SP100: variants seen among roughly 807,000 people sequenced by gnomAD.
SP100 encodes SP100 nuclear body protein, also known as nuclear autoantigen Sp-100.
SP100 carries 84 observed loss-of-function variants against 130.0 expected under a neutral mutation model. That is an observed-to-expected ratio of 0.65 (90% CI 0.54 to 0.77). The LOEUF (loss-of-function observed/expected upper bound fraction) is 0.77. Ranked by LOEUF, SP100 falls within the 30% of genes least tolerant of loss-of-function variation. The probability of loss-of-function intolerance (pLI) is 0.00; values close to 1 mark genes in which losing one functional copy is unlikely to be tolerated. For synonymous variants in SP100, 331 were observed against 351.7 expected, an observed-to-expected ratio of 0.94 and a Z score of 0.66; for missense variants, 978 against 1,052.2, an observed-to-expected ratio of 0.93 and a Z score of 0.97.
rs1692265749 is a variant in SP100 at position 230,544,674 on chromosome 2, T to C, written c.*1728T>C. On this transcript the variant is annotated 3_prime_UTR_variant, in exon 29 of 29. Transcript: ENST00000340126. ...ATTTTGTATTTTAGTAGAGACGGGGTTTCTCCACATTGGTCAGGCTGGTCT... is the reference window on the plus strand; with the variant it reads ...ATTTTGTATTTTAGTAGAGACGGGGCTTCTCCACATTGGTCAGGCTGGTCT... Among the ~76,000 whole-genome samples the C allele has an allele frequency of 6.6e-6, 1 of 151,802 alleles. No homozygotes were observed. The highest frequency in any genetic ancestry group is 2.1e-4 in the South Asian group (1 of 4,790).
At chr2:230,538,336 T>C (rs1692029014) in intron 24 of SP100, 2 of 152,204 alleles carry the variant, frequency 1.3e-5, no homozygotes, top group African/African-American at 4.8e-5. Flanking sequence ...CAGTGTACTT[T>C]ATAGGATGAT....
chr2:230,449,435 T>C, intron 6 of SP100, 126 bp from the exon 7 acceptor site: 1 of 1,075,632 alleles, frequency 9.3e-7, no homozygotes, highest in South Asian at 1.3e-5. Context: ...CTGCATCTGC[T>C]TGAATCTGGC....
chr2:230,446,053 C>T (rs2063698301), intron 4 of SP100, among the ~76,000 whole-genome samples: 1 of 152,214 alleles, frequency 6.6e-6, no homozygotes, highest in Admixed American at 6.5e-5. Context: ...ATTAAGACAA[C>T]ATTCTCCTGT....
intron 11 of SP100, among the ~76,000 whole-genome samples, chr2:230,464,727 C>A (rs2064847416): frequency 1.3e-5 from 2 of 152,304 alleles, no homozygotes; most frequent in South Asian, 4.1e-4. Context: ...ATCACAAAAA[C>A]CTTAACAGGG....
chr2:230,487,490 G>A lies in SP100; in HGVS notation c.1601-6926G>A, dbSNP rs539998459. On this transcript the variant is annotated intron_variant, in intron 17 of 28. Coordinates refer to ENST00000340126, the MANE Select transcript of SP100 (RefSeq NM_001080391.2). ...AAAGATCAGATGGTTGCAGATATGC[G>A]GTGTTATTTCTGAGGTCTCTGTTCT... Among the ~76,000 whole-genome samples, 474 of 152,256 alleles carry A rather than the reference G, an allele frequency of 3.1e-3. 2 individuals are homozygous for A. The highest frequency in any genetic ancestry group is 0.011 in the African/African-American group (450 of 41,544).
intron 17 of SP100, among the ~76,000 whole-genome samples, chr2:230,484,324 G>A (rs1414315414): frequency 6.6e-6 from 1 of 152,228 alleles, no homozygotes; most frequent in African/African-American, 2.4e-5. Flanking sequence ...GTATTGATTG[G>A]AGGGTTCACA....
chr2:230,506,444 A>C lies in SP100; in HGVS notation c.2012A>C (p.Glu671Ala). 2 of 1,613,532 alleles carry C rather than the reference A, an allele frequency of 1.2e-6. No homozygotes were observed. Among genetic ancestry groups the C allele is most frequent in the Non-Finnish European group, 1.7e-6 (2 of 1,179,574 alleles). Reference sequence around the variant, plus strand: ...GGATATACCCTGAAAGTCCTGATGGAGGTATTCTAGTGACAGATGGCTGAA... The same window carrying C: ...GGATATACCCTGAAAGTCCTGATGGCGGTATTCTAGTGACAGATGGCTGAA... ...CGGYTLKVLMENKFLPEPPST... is the reference protein window; with the variant it reads ...CGGYTLKVLMANKFLPEPPST... The change falls in exon 22 of 29, where the codon GAG becomes GCG. Residue 671 changes from glutamate to alanine, a missense_variant and splice_region_variant. Transcript: ENST00000340126.
rs192655016 is a variant in SP100, at chr2:230,469,912, C to G, written c.1346-103C>G. On this transcript the variant is annotated intron_variant, in intron 14 of 28. Transcript: ENST00000340126. ...CCTAGTGGTGGGACTATTTCTCCCC[C>G]TCCTCCACAAGCTTCTCTTGTTCAG... The G allele has an allele frequency of 5.3e-4, 806 of 1,508,464 alleles. 1 individual carries two copies. Among genetic ancestry groups the G allele is most frequent in the Non-Finnish European group, 6.8e-4 (768 of 1,122,752 alleles). 93.4% of individuals were successfully genotyped at this position (1,508,464 alleles called of 1,614,324 possible). A position where few individuals can be genotyped will look rare whatever the true frequency, so the allele number is the denominator to read the frequency against.
chr2:230,512,641 C>T (rs1212751182), intron 24 of SP100, among the ~76,000 whole-genome samples: 1 of 152,062 alleles, frequency 6.6e-6, no homozygotes, highest in Non-Finnish European at 1.5e-5. Context: ...TGCCAGGAAC[C>T]AATTTTGTGG....
intron 24 of SP100, chr2:230,516,161 C>A: frequency 1.4e-6 from 1 of 704,700 alleles, no homozygotes; most frequent in Non-Finnish European, 1.7e-6. Context: ...CTCCACAAAG[C>A]CAATCTCAAT....
intron 22 of SP100, 92 bp from the exon 23 acceptor site, chr2:230,507,901 C>T: frequency 9.4e-7 from 1 of 1,068,510 alleles, no homozygotes; most frequent in Non-Finnish European, 1.4e-6. Context: ...GTGGGATATC[C>T]AGGTAGGAAT....
intron 23 of SP100, chr2:230,509,052 C>T (rs978392398): frequency 1.3e-5 from 2 of 152,306 alleles, no homozygotes; most frequent in Admixed American, 1.3e-4. Context: ...CCTAGAAAAT[C>T]TTTTCCTTTG....
rs1692267908 is a variant in SP100 at position 230,544,793 on chromosome 2, T to C, written c.*1847T>C. ...ACCATGCCCGGATGAAAAGACACTT[T>C]CCAAAAGAAGATACACATGCGGCCA... On this transcript the variant is annotated 3_prime_UTR_variant, in exon 29 of 29. Transcript: ENST00000340126. Among the ~76,000 whole-genome samples the C allele has an allele frequency of 6.6e-6, 1 of 152,158 alleles. No homozygotes were observed. Among genetic ancestry groups the C allele is most frequent in the South Asian group, 2.1e-4 (1 of 4,830 alleles).
intron 17 of SP100, among the ~76,000 whole-genome samples, chr2:230,480,789 C>T (rs1167448157): frequency 6.6e-6 from 1 of 152,190 alleles, no homozygotes; most frequent in African/African-American, 2.4e-5. Flanking sequence ...TGATCACCTG[C>T]TCATGGCCTT....
Position 230,494,425 on chromosome 2 carries a change from G to A in SP100, c.1610G>A (p.Arg537Lys), listed in dbSNP as rs1440565981. The A allele has an allele frequency of 1.9e-6, 3 of 1,604,874 alleles. No individual in the cohort carries two copies. Among genetic ancestry groups the A allele is most frequent in the Non-Finnish European group, 2.6e-6 (3 of 1,171,882 alleles). The change falls in exon 18 of 29, where the codon AGA (arginine) becomes AAA (lysine). Residue 537 changes from arginine to lysine, a missense_variant. Coordinates refer to ENST00000340126, the MANE Select transcript of SP100 (RefSeq NM_001080391.2). Reference sequence around the variant, plus strand: ...TCTTTTCTGTTTGCAGGAAAAAAGAGAAGGCATAGATCTAAAGTAAATGGT... The same window carrying A: ...TCTTTTCTGTTTGCAGGAAAAAAGAAAAGGCATAGATCTAAAGTAAATGGT... ...EKHSGKRRKK[R>K]RHRSKVNGLQ... is the part of the protein sequence containing the mutation.
At chr2:230,492,151 G>A (rs780746460) in intron 17 of SP100, among the ~76,000 whole-genome samples, 4 of 152,110 alleles carry the variant, frequency 2.6e-5, no homozygotes, top group Non-Finnish European at 5.9e-5. Context: ...ATTTTAGGCT[G>A]TGCCATTACC....
At chr2:230,511,230 C>G in intron 24 of SP100, 64 bp downstream of exon 24, 2 of 1,071,260 alleles carry the variant, frequency 1.9e-6, no homozygotes, top group Admixed American at 3.4e-5. Context: ...CACACTATGT[C>G]ATGACTGCCT....
At chr2:230,537,100 A>T (rs1207265424) in intron 24 of SP100, among the ~76,000 whole-genome samples, 2 of 152,150 alleles carry the variant, frequency 1.3e-5, no homozygotes, top group Admixed American at 1.3e-4. Context: ...TCCACAAAAA[A>T]TACCAAAAAT....
intron 8 of SP100, among the ~76,000 whole-genome samples, chr2:230,457,486 C>T (rs1234742756): frequency 6.6e-6 from 1 of 152,150 alleles, no homozygotes; most frequent in Non-Finnish European, 1.5e-5. Flanking sequence ...ACCATGGGTA[C>T]TGGCTAGAGT....
Sources: allele counts gnomAD v4.1 joint callset (sites outside exome capture counted in the v4.1 genomes callset), GRCh38; gene constraint gnomAD v4.1.1; transcripts MANE v1.5; gene names NCBI Gene and HGNC (gene_info 2026-07-23, HGNC 2026-07-21).